The following NAALADL2 variants were observed in gnomAD, a reference collection of about 807,000 sequenced individuals.
NAALADL2 encodes the protein inactive N-acetylated-alpha-linked acidic dipeptidase-like protein 2.
In NAALADL2, 76 loss-of-function variants were observed where a neutral mutation model predicts 87.2. That is an observed-to-expected ratio of 0.87 (90% CI 0.72 to 1.05). NAALADL2 has a LOEUF of 1.05. NAALADL2 is among the 50% of genes least tolerant of loss of function. The pLI is 0.00. For synonymous variants in NAALADL2, 354 were observed against 331.0 expected (o/e 1.07, Z -0.75); for missense variants, 1,089 against 945.8 (o/e 1.15, Z -1.99).
At chr3:175,305,134 G>C (rs554371957) in intron 4 of NAALADL2, among the ~76,000 whole-genome samples, 189 of 151,972 alleles carry the variant, frequency 1.2e-3, no homozygotes, top group Middle Eastern at 3.4e-3. Flanking sequence ...ATGTTAAATA[G>C]ATAAATAATA....
chr3:175,001,833 C>T (rs181397026), intron 1 of NAALADL2, among the ~76,000 whole-genome samples: 1 of 152,070 alleles, frequency 6.6e-6, no homozygotes, highest in African/African-American at 2.4e-5. Flanking sequence ...TTTTTTAGTG[C>T]CAATCTGATG....
chr3:175,447,270 T>G lies in NAALADL2; in HGVS notation c.1132T>G (p.Leu378Val). The G allele has an allele frequency of 6.2e-7, 1 of 1,604,756 alleles. No homozygotes were observed. Among genetic ancestry groups the G allele is most frequent in the African/African-American group, 1.3e-5 (1 of 74,690 alleles). ...AAGCCGATCAAACCTCACCTCTCTA[T>G]TAGTGCAGCCCATCTCTGCACCCCT... ...RQSRSNLTSL[L>V]VQPISAPLVA... The change falls in exon 6 of 14, where the codon TTA becomes GTA. Residue 378 changes from leucine to valine, a missense_variant. By Grantham distance (32) the Leu-to-Val change is conservative. Transcript: ENST00000454872.
intron 2 of NAALADL2, among the ~76,000 whole-genome samples, chr3:174,664,154 T>C (rs1725756643): frequency 6.6e-6 from 1 of 152,166 alleles, no homozygotes; most frequent in African/African-American, 2.4e-5. Context: ...AAGCAAGAAG[T>C]ATACCACTGC....
intron 2 of NAALADL2, among the ~76,000 whole-genome samples, chr3:175,202,364 C>T (rs1352351749): frequency 6.6e-6 from 1 of 152,042 alleles, no homozygotes; most frequent in African/African-American, 2.4e-5. Context: ...CATCTCTTTC[C>T]TTAGTTTAAA....
At chr3:175,636,164 T>G (rs1728501644) in intron 11 of NAALADL2, among the ~76,000 whole-genome samples, 2 of 151,938 alleles carry the variant, frequency 1.3e-5, no homozygotes, top group Admixed American at 1.3e-4. Context: ...ATCACACTAA[T>G]CAATCTTAGT....
intron 3 of NAALADL2, among the ~76,000 whole-genome samples, chr3:174,806,596 T>C (rs1327542274): frequency 6.6e-6 from 1 of 152,160 alleles, no homozygotes; most frequent in African/African-American, 2.4e-5. Flanking sequence ...ACAGTTACCT[T>C]TGTTTTACAG....
chr3:174,897,428 A>G (rs1454434400), intron 1 of NAALADL2, among the ~76,000 whole-genome samples: 1 of 152,092 alleles, frequency 6.6e-6, no homozygotes, highest in Admixed American at 6.5e-5. Flanking sequence ...AAGTGCTAAC[A>G]TCATTGATCA....
intron 5 of NAALADL2, among the ~76,000 whole-genome samples, chr3:175,375,635 A>G (rs191170246): frequency 6.6e-6 from 1 of 152,212 alleles, no homozygotes; most frequent in East Asian, 1.9e-4. Flanking sequence ...AGCCTTTTCC[A>G]TCCTTTTAAC....
At chr3:175,505,025 T>C (rs969509663) in intron 9 of NAALADL2, among the ~76,000 whole-genome samples, 2 of 152,172 alleles carry the variant, frequency 1.3e-5, no homozygotes, top group Non-Finnish European at 2.9e-5. Flanking sequence ...GTTTCTCTTA[T>C]TGAGAGATGG....
chr3:175,161,563 T>G (rs1470677177), intron 2 of NAALADL2, among the ~76,000 whole-genome samples: 3 of 152,112 alleles, frequency 2.0e-5, no homozygotes, highest in Non-Finnish European at 4.4e-5. Context: ...CTTATACATC[T>G]TCAACTTCAG....
At chr3:174,589,308 C>T (rs543766672) in intron 2 of NAALADL2, among the ~76,000 whole-genome samples, 11 of 152,254 alleles carry the variant, frequency 7.2e-5, no homozygotes, top group East Asian at 1.9e-4. Flanking sequence ...GGGAATTCCC[C>T]GACCCCTTGT....
intron 9 of NAALADL2, among the ~76,000 whole-genome samples, chr3:175,549,178 G>T (rs1480968056): frequency 6.6e-6 from 1 of 151,670 alleles, no homozygotes; most frequent in Non-Finnish European, 1.5e-5. Flanking sequence ...CTTTCATTGT[G>T]TAGTTCTATG....
In NAALADL2 at chr3:174,872,733, T is replaced by TACAC. The variant is rs140990241; in HGVS notation, c.43+13303_43+13306dup. On this transcript the variant is annotated intron_variant, in intron 1 of 13. Coordinates refer to ENST00000454872, the MANE Select transcript of NAALADL2 (RefSeq NM_207015.3). ...CAATGTATTCATCTACACACACACA[T>TACAC]ACACACACACACACACACACACATT... Among the ~76,000 whole-genome samples the TACAC allele has an allele frequency of 4.4e-3, 652 of 148,506 alleles. 3 individuals are homozygous for TACAC. Among genetic ancestry groups the TACAC allele is most frequent in the African/African-American group, 0.013 (547 of 40,734 alleles).
At chr3:175,765,871 C>G (rs1458418586) in intron 13 of NAALADL2, among the ~76,000 whole-genome samples, 1 of 152,014 alleles carries the variant, frequency 6.6e-6, no homozygotes, top group Non-Finnish European at 1.5e-5. Flanking sequence ...TCCCTTTATA[C>G]ATATAAGAAA....
chr3:174,813,192 G>T (rs1284008954), intron 3 of NAALADL2, among the ~76,000 whole-genome samples: 1 of 151,866 alleles, frequency 6.6e-6, no homozygotes, highest in African/African-American at 2.4e-5. Context: ...TCAATCTTTT[G>T]GCTTCCCTGG....
In NAALADL2 at chr3:175,322,674, G is replaced by A. The variant is rs1471137863; in HGVS notation, c.940-1501G>A. On this transcript the variant is annotated intron_variant, in intron 4 of 13. Transcript: ENST00000454872. ...CAAACAACCCCATCAAAAAGTGGGC[G>A]AAGGACATGAACAGACACTTCTCAA... is the stretch of plus-strand genomic sequence containing the variant. Among the ~76,000 whole-genome samples, 32 of 144,458 alleles carry A rather than the reference G, an allele frequency of 2.2e-4. No individual in the cohort carries two copies. In the East Asian group the frequency reaches 2.7e-3, roughly 12 times the overall value. 94.8% of individuals were successfully genotyped at this position (144,458 alleles called of 152,430 possible).
At chr3:174,770,040 T>A (rs1714333649) in intron 3 of NAALADL2, among the ~76,000 whole-genome samples, 1 of 152,162 alleles carries the variant, frequency 6.6e-6, no homozygotes, top group African/African-American at 2.4e-5. Context: ...TTTCTATGAA[T>A]TAATATTTAA....
At chr3:174,601,882 A>G (rs13084517) in intron 2 of NAALADL2, among the ~76,000 whole-genome samples, 64,448 of 151,952 alleles carry the variant, frequency 0.42, 15,165 homozygotes, top group Non-Finnish European at 0.55. Context: ...AGGTTTTCTA[A>G]CACCATTTGT....
chr3:175,765,477 A>G (rs559485677), intron 13 of NAALADL2, among the ~76,000 whole-genome samples: 86 of 152,120 alleles, frequency 5.7e-4, no homozygotes, highest in Non-Finnish European at 1.0e-3. Context: ...TTCAAATACA[A>G]TTTGATTAGA....
Sources: gnomAD v4.1 joint callset for allele counts (sites outside exome capture counted in the v4.1 genomes callset) on GRCh38, gnomAD v4.1.1 for gene constraint, MANE v1.5 for transcripts, NCBI Gene and HGNC (gene_info 2026-07-23, HGNC 2026-07-21) for gene names.